Variants in CPA6 observed in about 807,000 individuals in gnomAD.
The protein encoded by CPA6 is carboxypeptidase B.
CPA6 carries 58 observed loss-of-function variants against 63.3 expected under a neutral mutation model. The ratio of observed to expected loss-of-function variants is 0.92; its 90% CI spans 0.74 to 1.14. The LOEUF (loss-of-function observed/expected upper bound fraction) is 1.14. Among genes scored for constraint, CPA6 ranks in the 50% most tolerant of loss-of-function variants. CPA6 has a pLI of 0.00. For missense variants in CPA6, 565 were observed against 526.6 expected (o/e 1.07, Z -0.71); for synonymous variants, 185 against 179.0 (o/e 1.03, Z -0.27).
intron 2 of CPA6, among the ~76,000 whole-genome samples, chr8:67,545,844 T>C (rs1812807474): frequency 1.3e-5 from 2 of 152,120 alleles, no homozygotes; most frequent in South Asian, 2.1e-4. Flanking sequence ...ATTACAGGCG[T>C]GAACTACCTC....
chr8:67,558,029 C>T (rs978932577), intron 2 of CPA6, among the ~76,000 whole-genome samples: 2 of 152,132 alleles, frequency 1.3e-5, no homozygotes, highest in African/African-American at 4.8e-5. Context: ...ACTGTATGAG[C>T]GGGCCCCAGC....
chr8:67,742,137 TGTGTGTGCGC>T, intron 1 of CPA6, among the ~76,000 whole-genome samples: 1 of 151,606 alleles, frequency 6.6e-6, no homozygotes, highest in Non-Finnish European at 1.5e-5. Flanking sequence ...TTTGTGTGTG[TGTGTGTGCGC>T]GTGTGTGTGT....
intron 2 of CPA6, among the ~76,000 whole-genome samples, chr8:67,619,182 T>C (rs1293696202): frequency 6.6e-6 from 1 of 152,212 alleles, no homozygotes; most frequent in East Asian, 1.9e-4. Flanking sequence ...TACTTTCCAC[T>C]TTCCCTAAGA....
At chr8:67,681,567 A>T (rs1816599500) in intron 1 of CPA6, among the ~76,000 whole-genome samples, 1 of 151,676 alleles carries the variant, frequency 6.6e-6, no homozygotes, top group Non-Finnish European at 1.5e-5. Flanking sequence ...CTTACAATCC[A>T]TTTTATTTTT....
chr8:67,548,568 TAAGA>T (rs1812873594), intron 2 of CPA6, among the ~76,000 whole-genome samples: 2 of 152,098 alleles, frequency 1.3e-5, no homozygotes, highest in Non-Finnish European at 2.9e-5. Flanking sequence ...TTTTTTCTTA[TAAGA>T]AAGATAACGA....
In CPA6 at chr8:67,683,239, G is replaced by A. The variant is rs955440532; in HGVS notation, c.117-58988C>T. On this transcript the variant is annotated intron_variant, in intron 1 of 10. Coordinates refer to ENST00000297770, the MANE Select transcript of CPA6 (RefSeq NM_020361.5). ...TCTTAGTTGTTTTAGGCAGGAGGGT[G>A]TCTCCAATCCCTGCTACTCCATCTT... Among the ~76,000 whole-genome samples, 7 of 152,190 alleles carry A rather than the reference G, an allele frequency of 4.6e-5. 1 individual carries two copies. Among genetic ancestry groups the A allele is most frequent in the Admixed American group, 2.6e-4 (4 of 15,282 alleles).
chr8:67,677,877 TAA>T (rs79541004), intron 1 of CPA6, among the ~76,000 whole-genome samples: 3 of 139,810 alleles, frequency 2.1e-5, no homozygotes. Context: ...CAATAAAGCT[TAA>T]AAAAAAAAAA....
intron 8 of CPA6, among the ~76,000 whole-genome samples, chr8:67,435,069 G>C (rs1452256340): frequency 1.3e-5 from 2 of 152,212 alleles, no homozygotes; most frequent in Admixed American, 6.5e-5. Context: ...TTTCTGTACT[G>C]TCCGCTTTGT....
At chr8:67,637,268 G>A (rs1213965808) in intron 1 of CPA6, among the ~76,000 whole-genome samples, 1 of 151,626 alleles carries the variant, frequency 6.6e-6, no homozygotes, top group Non-Finnish European at 1.5e-5. Flanking sequence ...ATTGAAATTG[G>A]CTTTTTGTAA....
At chr8:67,461,268 C>G (rs984858380) in intron 8 of CPA6, among the ~76,000 whole-genome samples, 4 of 143,018 alleles carry the variant, frequency 2.8e-5, no homozygotes, top group East Asian at 2.0e-4. Flanking sequence ...TGATTCTTAA[C>G]GAGCATGCTG....
intron 6 of CPA6, among the ~76,000 whole-genome samples, chr8:67,506,574 T>C (rs1322954309): frequency 6.6e-6 from 1 of 152,200 alleles, no homozygotes; most frequent in Non-Finnish European, 1.5e-5. Context: ...TAATGAGAGC[T>C]GCCAATTCCC....
intron 1 of CPA6, among the ~76,000 whole-genome samples, chr8:67,695,146 C>T (rs956618520): frequency 6.6e-6 from 1 of 152,134 alleles, no homozygotes; most frequent in African/African-American, 2.4e-5. Flanking sequence ...ATGCCATCAT[C>T]CATTCATTAG....
chr8:67,446,264 A>G (rs1810412651), intron 8 of CPA6, among the ~76,000 whole-genome samples: 2 of 138,220 alleles, frequency 1.4e-5, no homozygotes, highest in African/African-American at 5.3e-5. Flanking sequence ...GACTCCATCT[A>G]AAAAAAAAAA....
chr8:67,461,502 T>C (rs1181338250), intron 8 of CPA6, among the ~76,000 whole-genome samples: 1 of 152,182 alleles, frequency 6.6e-6, no homozygotes, highest in African/African-American at 2.4e-5. Flanking sequence ...TCTCAATCTT[T>C]TCCCCACCTT....
chr8:67,704,670 C>T (rs929848179), intron 1 of CPA6, among the ~76,000 whole-genome samples: 3 of 152,096 alleles, frequency 2.0e-5, no homozygotes, highest in Non-Finnish European at 2.9e-5. Flanking sequence ...CCTCTGTTCT[C>T]GAGTAATTGT....
intron 8 of CPA6, among the ~76,000 whole-genome samples, chr8:67,470,821 T>A (rs967241460): frequency 5.3e-5 from 8 of 152,222 alleles, no homozygotes; most frequent in African/African-American, 1.9e-4. Context: ...TCTCTAAAGA[T>A]GCAGATAATA....
chr8:67,518,394 A>G (rs1471578401), intron 2 of CPA6, among the ~76,000 whole-genome samples: 2 of 152,196 alleles, frequency 1.3e-5, no homozygotes, highest in African/African-American at 2.4e-5. Flanking sequence ...AAAAAAAGAT[A>G]TAAATCACCC....
chr8:67,439,019 C>T (rs1051069572), intron 8 of CPA6, among the ~76,000 whole-genome samples: 1 of 152,146 alleles, frequency 6.6e-6, no homozygotes, highest in African/African-American at 2.4e-5. Context: ...ACAGGGCCAG[C>T]TGCAATGGCT....
intron 1 of CPA6, among the ~76,000 whole-genome samples, chr8:67,735,008 G>A (rs1817785908): frequency 6.6e-6 from 1 of 152,176 alleles, no homozygotes; most frequent in South Asian, 2.1e-4. Flanking sequence ...TAGTGATAGA[G>A]TGTGGTACCC....
Sources: allele counts gnomAD v4.1 joint callset (sites outside exome capture counted in the v4.1 genomes callset), GRCh38; gene constraint gnomAD v4.1.1; transcripts MANE v1.5; gene names NCBI Gene and HGNC (gene_info 2026-07-23, HGNC 2026-07-21).